Variants in SESTD1 observed in about 807,000 individuals in gnomAD.
The protein encoded by SESTD1 is SEC14 domain and spectrin repeat-containing protein 1.
SESTD1 carries 43 observed loss-of-function variants against 101.7 expected under a neutral mutation model. That is an observed-to-expected ratio of 0.42 (90% CI 0.33 to 0.55). The LOEUF is 0.55. Ranked by LOEUF, SESTD1 falls within the 20% of genes least tolerant of loss-of-function variation. The probability of loss-of-function intolerance (pLI) is 0.07; values close to 1 mark genes in which losing one functional copy is unlikely to be tolerated. For missense variants in SESTD1, 647 were observed against 815.1 expected (o/e 0.79, Z 2.51); for synonymous variants, 283 against 286.8 (o/e 0.99, Z 0.13).
At chr2:179,121,743 A>G (rs900041551) in intron 13 of SESTD1, 27 bp downstream of exon 13, 8 of 1,530,618 alleles carry the variant, frequency 5.2e-6, no homozygotes, top group Admixed American at 2.2e-5. Flanking sequence ...TTATTTTAGT[A>G]AAAAGTAATT....
intron 1 of SESTD1, among the ~76,000 whole-genome samples, chr2:179,256,348 G>A (rs1323961772): frequency 6.6e-6 from 1 of 152,174 alleles, no homozygotes; most frequent in African/African-American, 2.4e-5. Flanking sequence ...AAAATATACT[G>A]ACATGAATAG....
chr2:179,254,379 G>T (rs2047363110), intron 1 of SESTD1, among the ~76,000 whole-genome samples: 1 of 152,034 alleles, frequency 6.6e-6, no homozygotes, highest in African/African-American at 2.4e-5. Context: ...TATTCTAGCT[G>T]AACCAATCTG....
chr2:179,148,428 A>G (rs1331890724), intron 7 of SESTD1, among the ~76,000 whole-genome samples: 1 of 152,208 alleles, frequency 6.6e-6, no homozygotes, highest in Non-Finnish European at 1.5e-5. Context: ...AAGGTTGTAA[A>G]GTTCAAGGGA....
intron 1 of SESTD1, among the ~76,000 whole-genome samples, chr2:179,208,555 T>C (rs1375237325): frequency 1.5e-5 from 2 of 135,180 alleles, no homozygotes; most frequent in Non-Finnish European, 3.2e-5. Flanking sequence ...CAGAAGGGAT[T>C]GGGGTCCTAT....
In SESTD1 at chr2:179,201,918, TATAATAATAATAATA is replaced by T. The variant is rs147660848; in HGVS notation, c.-25-10067_-25-10053del. On this transcript the variant is annotated intron_variant, in intron 1 of 17. Transcript: ENST00000428443. ...TGCACATGTACCCTAAAACTTAAAG[TATAATAATAATAATA>T]ATAATAATAATAATAATAATAATAA... Among the ~76,000 whole-genome samples the T allele has an allele frequency of 1.5e-4, 15 of 103,278 alleles. 3 individuals carry two copies. Among genetic ancestry groups the T allele is most frequent in the East Asian group, 4.6e-4 (2 of 4,362 alleles). The allele number at this position is 103,278 out of a possible 152,430, so 67.8% of individuals were successfully genotyped here. A position where few individuals can be genotyped will look rare whatever the true frequency, so the allele number is the denominator to read the frequency against.
At chr2:179,213,164 A>G (rs2046673335) in intron 1 of SESTD1, among the ~76,000 whole-genome samples, 1 of 135,526 alleles carries the variant, frequency 7.4e-6, no homozygotes, top group Middle Eastern at 4.2e-3. Flanking sequence ...AATTGACAGA[A>G]GTAGGCTTTA....
intron 10 of SESTD1, 51 bp from the exon 11 acceptor site, chr2:179,124,609 A>G: frequency 7.0e-7 from 1 of 1,432,220 alleles, no homozygotes; most frequent in Non-Finnish European, 9.6e-7. Context: ...AGTTCCTGGA[A>G]GAGATTACAT....
intron 3 of SESTD1, among the ~76,000 whole-genome samples, chr2:179,177,368 G>A (rs2046029742): frequency 6.6e-6 from 1 of 152,052 alleles, no homozygotes. Context: ...ACAGTAAATG[G>A]AACTACAGCT....
chr2:179,255,729 T>C (rs1336490787), intron 1 of SESTD1, among the ~76,000 whole-genome samples: 1 of 152,216 alleles, frequency 6.6e-6, no homozygotes, highest in Non-Finnish European at 1.5e-5. Context: ...CAACAGATTT[T>C]CAATGTAGAT....
At chr2:179,174,792 T>TA (rs962997883) in intron 4 of SESTD1, among the ~76,000 whole-genome samples, 13 of 151,730 alleles carry the variant, frequency 8.6e-5, no homozygotes, top group African/African-American at 1.7e-4. Context: ...CTCTACAAAA[T>TA]AAAAAAAGTA....
intron 9 of SESTD1, among the ~76,000 whole-genome samples, chr2:179,138,031 A>T (rs765360538): frequency 1.8e-4 from 28 of 152,188 alleles, no homozygotes; most frequent in Non-Finnish European, 2.8e-4. Flanking sequence ...TTAAAATGTG[A>T]CCTGTGAAAA....
At chr2:179,169,869 G>A (rs948302383) in intron 5 of SESTD1, among the ~76,000 whole-genome samples, 3 of 151,664 alleles carry the variant, frequency 2.0e-5, no homozygotes, top group East Asian at 1.9e-4. Flanking sequence ...AGCTACGTGG[G>A]AGGCTCAGGC....
chr2:179,207,238 G>A lies in SESTD1; in HGVS notation c.-25-15372C>T, dbSNP rs1476848063. ...TATCCACCTCCTACCACTGCAGCTG[G>A]CACTCTCTTGAAAGTGCCACCTCCT... On this transcript the variant is annotated intron_variant, in intron 1 of 17. Transcript: ENST00000428443. Among the ~76,000 whole-genome samples the A allele has an allele frequency of 2.2e-5, 3 of 134,832 alleles. 1 individual carries two copies. The highest frequency in any genetic ancestry group is 4.8e-5 in the Non-Finnish European group (3 of 62,622). 88.5% of individuals were successfully genotyped at this position (134,832 alleles called of 152,430 possible). A position where few individuals can be genotyped will look rare whatever the true frequency, so the allele number is the denominator to read the frequency against.
intron 4 of SESTD1, among the ~76,000 whole-genome samples, chr2:179,175,314 A>G (rs750349145): frequency 2.0e-5 from 3 of 152,200 alleles, no homozygotes; most frequent in Non-Finnish European, 2.9e-5. Flanking sequence ...CTTTCTCCCA[A>G]TTAACCTAAA....
At chr2:179,183,254 T>C (rs2046149955) in intron 2 of SESTD1, 66 bp from the exon 3 acceptor site, 1 of 958,888 alleles carries the variant, frequency 1.0e-6, no homozygotes, top group African/African-American at 1.7e-5. Context: ...ATAATATACA[T>C]TTGAATCCAA....
At chr2:179,218,315 T>C (rs1361874107) in intron 1 of SESTD1, among the ~76,000 whole-genome samples, 2 of 152,042 alleles carry the variant, frequency 1.3e-5, no homozygotes, top group East Asian at 1.9e-4. Flanking sequence ...AAACTTGTCT[T>C]GTAAAGCAGG....
chr2:179,206,802 C>G (rs2046596574), intron 1 of SESTD1, among the ~76,000 whole-genome samples: 1 of 134,084 alleles, frequency 7.5e-6, no homozygotes, highest in Non-Finnish European at 1.6e-5. Flanking sequence ...AGGCTTGTAC[C>G]TGAGGGCAAG....
At chr2:179,196,908 C>A (rs1348842341) in intron 1 of SESTD1, among the ~76,000 whole-genome samples, 2 of 152,228 alleles carry the variant, frequency 1.3e-5, no homozygotes, top group Non-Finnish European at 1.5e-5. Flanking sequence ...CGCCTCTCCT[C>A]CTCCAAAGGA....
intron 1 of SESTD1, among the ~76,000 whole-genome samples, chr2:179,198,774 C>A (rs1021582073): frequency 8.6e-5 from 13 of 152,000 alleles, no homozygotes; most frequent in Admixed American, 4.6e-4. Context: ...ACAGACACAA[C>A]ATACCAGAAT....
Sources: gnomAD v4.1 joint callset for allele counts (sites outside exome capture counted in the v4.1 genomes callset) on GRCh38, gnomAD v4.1.1 for gene constraint, MANE v1.5 for transcripts, NCBI Gene and HGNC (gene_info 2026-07-23, HGNC 2026-07-21) for gene names.